The following ADAMTS6 variants were observed in gnomAD, a reference collection of about 807,000 sequenced individuals.
The protein encoded by ADAMTS6 is A disintegrin and metalloproteinase with thrombospondin motifs 6.
Under a neutral mutation model 144.3 loss-of-function variants are expected in ADAMTS6, and 23 were observed. That is an observed-to-expected ratio of 0.16 (90% confidence interval 0.11 to 0.23). The LOEUF (loss-of-function observed/expected upper bound fraction) is 0.23, where lower values mean the gene tolerates loss of function less well. ADAMTS6 is among the 10% of genes least tolerant of loss of function. The pLI is 1.00. For missense variants in ADAMTS6, 999 were observed against 1,379.6 expected (o/e 0.72, Z 4.37); for synonymous variants, 444 against 457.5 (o/e 0.97, Z 0.38).
intron 13 of ADAMTS6, among the ~76,000 whole-genome samples, 188 bp downstream of exon 13, chr5:65,262,629 A>C (rs902647130): frequency 3.9e-5 from 6 of 152,202 alleles, no homozygotes; most frequent in African/African-American, 1.4e-4. Flanking sequence ...GTTACACAAT[A>C]AGGGGAAAGG....
At chr5:65,299,934 C>G in intron 10 of ADAMTS6, 51 bp downstream of exon 10, 1 of 1,573,358 alleles carries the variant, frequency 6.4e-7, no homozygotes, top group Non-Finnish European at 8.6e-7. Flanking sequence ...AGGCTTCTAC[C>G]AGTGGCTTAC....
intron 7 of ADAMTS6, among the ~76,000 whole-genome samples, chr5:65,343,531 A>G (rs1259180422): frequency 6.6e-6 from 1 of 152,158 alleles, no homozygotes. Context: ...CTCACTCTAT[A>G]CAAAACTCAA....
chr5:65,271,939 C>T (rs1229250814), intron 12 of ADAMTS6, among the ~76,000 whole-genome samples: 1 of 152,004 alleles, frequency 6.6e-6, no homozygotes, highest in Non-Finnish European at 1.5e-5. Flanking sequence ...TGGCTACTTA[C>T]AATATCTTAA....
At chr5:65,432,068 T>C (rs1292319859) in intron 7 of ADAMTS6, among the ~76,000 whole-genome samples, 1 of 152,072 alleles carries the variant, frequency 6.6e-6, no homozygotes, top group East Asian at 1.9e-4. Flanking sequence ...AGCATTACTT[T>C]AACATTGGCC....
At chr5:65,206,451 T>C (rs1756089035) in intron 20 of ADAMTS6, among the ~76,000 whole-genome samples, 2 of 152,018 alleles carry the variant, frequency 1.3e-5, no homozygotes, top group African/African-American at 2.4e-5. Context: ...AGAATCCAGA[T>C]GATTTTGGGA....
chr5:65,348,637 A>G lies in ADAMTS6; in HGVS notation c.1074-14552T>C, dbSNP rs1015454073. ...ATGTATATTTAAAAATTACTAAGGA[A>G]GTAGATTTTTAAATGTTTGTACCAC... is the stretch of plus-strand genomic sequence containing the variant. On this transcript the variant is annotated intron_variant, in intron 7 of 24. Transcript: ENST00000381055. 3.9e-5 allele frequency among the ~76,000 whole-genome samples: 6 copies of G among 152,254 alleles called. No homozygotes were observed. The East Asian group carries it at 5.8e-4, about 15-fold the overall frequency.
chr5:65,316,661 A>C (rs1745029731), intron 9 of ADAMTS6, among the ~76,000 whole-genome samples: 1 of 152,236 alleles, frequency 6.6e-6, no homozygotes, highest in South Asian at 2.1e-4. Flanking sequence ...TGTAACATGC[A>C]AACAATAAAG....
chr5:65,479,467 A>G (rs889754233), intron 1 of ADAMTS6, among the ~76,000 whole-genome samples: 5 of 152,248 alleles, frequency 3.3e-5, no homozygotes, highest in Non-Finnish European at 5.9e-5. Flanking sequence ...ATAGCAAGTA[A>G]ATACACATTT....
At chr5:65,306,369 AAC>A (rs1193086585) in intron 9 of ADAMTS6, among the ~76,000 whole-genome samples, 1 of 152,226 alleles carries the variant, frequency 6.6e-6, no homozygotes, top group African/African-American at 2.4e-5. Flanking sequence ...GGGAGTTACA[AAC>A]ACACTGAATA....
chr5:65,358,674 C>T (rs895718444), intron 7 of ADAMTS6, among the ~76,000 whole-genome samples: 2 of 152,000 alleles, frequency 1.3e-5, no homozygotes, highest in African/African-American at 2.4e-5. Context: ...GACACAGAAA[C>T]AGATACATAG....
intron 12 of ADAMTS6, among the ~76,000 whole-genome samples, chr5:65,272,845 C>T (rs1172441818): frequency 6.6e-6 from 1 of 151,576 alleles, no homozygotes; most frequent in African/African-American, 2.4e-5. Context: ...TGCTTGAGCC[C>T]CAGAGGTGGA....
intron 15 of ADAMTS6, among the ~76,000 whole-genome samples, chr5:65,237,540 T>C (rs952844888): frequency 2.0e-5 from 3 of 152,064 alleles, no homozygotes; most frequent in South Asian, 2.1e-4. Context: ...AAATCTATTC[T>C]AAGGAAGAGA....
At chr5:65,243,194 A>G (rs926156367) in intron 14 of ADAMTS6, among the ~76,000 whole-genome samples, 18 of 152,144 alleles carry the variant, frequency 1.2e-4, no homozygotes, top group African/African-American at 4.3e-4. Context: ...ATGTCACTAG[A>G]GAAAATTCTG....
At chr5:65,231,016 A>G (rs924552038) in intron 15 of ADAMTS6, among the ~76,000 whole-genome samples, 9 of 150,956 alleles carry the variant, frequency 6.0e-5, no homozygotes, top group Non-Finnish European at 1.2e-4. Context: ...TTGACAAGAT[A>G]TAACTAGTAA....
chr5:65,250,336 GTTAA>G (rs537371183), intron 14 of ADAMTS6, among the ~76,000 whole-genome samples: 193 of 152,272 alleles, frequency 1.3e-3, no homozygotes, highest in African/African-American at 4.5e-3. Context: ...TCACACTCAA[GTTAA>G]TTTAACTTCC....
intron 4 of ADAMTS6, among the ~76,000 whole-genome samples, chr5:65,454,373 C>T (rs1057484813): frequency 4.6e-5 from 7 of 152,176 alleles, no homozygotes; most frequent in Non-Finnish European, 1.0e-4. Context: ...CCTGAAACTT[C>T]TAAGTTAAAT....
rs146720548 is a variant in ADAMTS6, at chr5:65,248,742, A to C, written c.1831-6536T>G. 3.4e-3 allele frequency among the ~76,000 whole-genome samples: 520 copies of C among 152,258 alleles called. 3 individuals carry two copies. Among genetic ancestry groups the C allele is most frequent in the African/African-American group, 0.012 (497 of 41,538 alleles). ...GCAGAGGTTGCAGTGAGTCCAGATC[A>C]TACCACTGCACTCCAGCCTGGGCAA... On this transcript the variant is annotated intron_variant, in intron 14 of 24. Transcript: ENST00000381055.
At chr5:65,162,913 T>C (rs1561235213) in intron 24 of ADAMTS6, among the ~76,000 whole-genome samples, 1 of 152,066 alleles carries the variant, frequency 6.6e-6, no homozygotes. Flanking sequence ...TGTTTTGTTT[T>C]GGGGGGGTTT....
chr5:65,305,443 C>T (rs1041223200), intron 9 of ADAMTS6, among the ~76,000 whole-genome samples: 7 of 151,764 alleles, frequency 4.6e-5, no homozygotes, highest in Non-Finnish European at 7.4e-5. Flanking sequence ...AAGAAGGGTC[C>T]CTGCTTGAAC....
Sources: allele counts gnomAD v4.1 joint callset (sites outside exome capture counted in the v4.1 genomes callset), GRCh38; gene constraint gnomAD v4.1.1; transcripts MANE v1.5; gene names NCBI Gene and HGNC (gene_info 2026-07-23, HGNC 2026-07-21).